The following PCOLCE variants were observed in gnomAD, a reference collection of about 807,000 sequenced individuals.
PCOLCE encodes the protein procollagen C-endopeptidase enhancer 1.
In PCOLCE, 33 loss-of-function variants were observed where a neutral mutation model predicts 47.2. That is an observed-to-expected ratio of 0.70 (90% CI 0.53 to 0.93). The LOEUF is 0.93. PCOLCE is among the 40% of genes least tolerant of loss of function. PCOLCE has a pLI of 0.00. For missense variants in PCOLCE, 584 were observed against 585.3 expected, an observed-to-expected ratio of 1.00 and a Z score of 0.02; for synonymous variants, 254 against 252.5, an observed-to-expected ratio of 1.01 and a Z score of -0.06.
At position 100,605,234 on chromosome 7, in the gene PCOLCE, G is replaced by A; in HGVS notation, c.588+19G>A. On this transcript the variant is annotated intron_variant, in intron 4 of 8. Transcript: ENST00000223061. This position sits in a 1 kb window ranked among gnomAD's most constrained non-coding sequence, Gnocchi z 6.1. ...GGACCAGGTACCGACCCTCCTCCCC[G>A]GGCTGCCCTAGGGGACCCAGGCGGC... 1.2e-6 allele frequency: 2 copies of A among 1,605,648 alleles called. No individual in the cohort carries two copies. Among genetic ancestry groups the A allele is most frequent in the Non-Finnish European group, 1.7e-6 (2 of 1,174,672 alleles).
Position 100,604,871 on chromosome 7 carries a change from C to T in PCOLCE, c.464-220C>T. 1 of 522,488 alleles carries T rather than the reference C, an allele frequency of 1.9e-6. No homozygotes were observed. The highest frequency in any genetic ancestry group is 3.4e-6 in the Non-Finnish European group (1 of 291,892). The allele number at this position is 522,488 out of a possible 1,614,324, so 32.4% of individuals were successfully genotyped here. A position where few individuals can be genotyped will look rare whatever the true frequency, so the allele number is the denominator to read the frequency against. ...AGCCAGTTCCTCCTCCCGCTTCCAC[C>T]GCCCGCCAGTGCGCCCTGCGGCCCC... On this transcript the variant is annotated intron_variant, in intron 3 of 8. Coordinates refer to ENST00000223061, the MANE Select transcript of PCOLCE (RefSeq NM_002593.4). The surrounding 1 kb of genome is among the most constrained non-coding windows in gnomAD (Gnocchi z 6.4).
intron 1 of PCOLCE, 29 bp downstream of exon 1, chr7:100,602,580 T>G: frequency 7.1e-7 from 1 of 1,403,196 alleles, no homozygotes; most frequent in South Asian, 1.1e-5. Context: ...TCCAGACAGC[T>G]CCAGTGAACT....
Position 100,605,510 on chromosome 7 carries a change from C to A in PCOLCE, c.589-166C>A. ...GACGACCGACACCCCTGCAGGGTCC[C>A]ATGGGTGTGTGTGGTCCTCCGTGCT... On this transcript the variant is annotated intron_variant, in intron 4 of 8. Coordinates refer to ENST00000223061, the MANE Select transcript of PCOLCE (RefSeq NM_002593.4). The surrounding 1 kb of genome is among the most constrained non-coding windows in gnomAD (Gnocchi z 6.1). The A allele has an allele frequency of 1.2e-6, 1 of 838,920 alleles. No homozygotes were observed. 52.0% of individuals were successfully genotyped at this position (838,920 alleles called of 1,614,324 possible). A position where few individuals can be genotyped will look rare whatever the true frequency, so the allele number is the denominator to read the frequency against.
In PCOLCE at chr7:100,602,564, G is replaced by GC; in HGVS notation, c.95+14dup. On this transcript the variant is annotated intron_variant, in intron 1 of 8. Coordinates refer to ENST00000223061, the MANE Select transcript of PCOLCE (RefSeq NM_002593.4). Reference sequence around the variant, plus strand: ...CCAACTACACCAGGTAGGTCTCTTGGCATCTTCCAGACAGCTCCAGTGAAC... The same window carrying GC: ...CCAACTACACCAGGTAGGTCTCTTGGCCATCTTCCAGACAGCTCCAGTGAAC... 1 of 1,519,162 alleles carries GC rather than the reference G, an allele frequency of 6.6e-7. No homozygotes were observed. Among genetic ancestry groups the GC allele is most frequent in the Non-Finnish European group, 9.1e-7 (1 of 1,094,400 alleles). 94.1% of individuals were successfully genotyped at this position (1,519,162 alleles called of 1,614,324 possible).
At chr7:100,607,890 A>C in intron 8 of PCOLCE, 47 bp from the exon 9 acceptor site, 1 of 1,607,540 alleles carries the variant, frequency 6.2e-7, no homozygotes, top group South Asian at 1.1e-5. Flanking sequence ...AGACCTGCTG[A>C]CAGGTCTCAA....
chr7:100,603,581 A>G (rs375221578), intron 2 of PCOLCE, 43 bp downstream of exon 2: 7 of 1,013,972 alleles, frequency 6.9e-6, no homozygotes, highest in Non-Finnish European at 9.1e-6. Context: ...AAAGTCTCAG[A>G]GGCAAAAAGG....
rs1402663590 is a variant in PCOLCE, at chr7:100,605,105, G to T, written c.478G>T (p.Gly160Trp). The change falls in exon 4 of 9, where the codon GGG (glycine) becomes TGG (tryptophan). Residue 160 changes from glycine (G) to tryptophan (W), a missense_variant. By Grantham distance (184) the Gly-to-Trp change is radical. Coordinates refer to ENST00000223061, the MANE Select transcript of PCOLCE (RefSeq NM_002593.4). The surrounding 1 kb of genome is among the most constrained non-coding windows in gnomAD (Gnocchi z 6.1). The part of the protein sequence containing the change: ...ATSGTEHQFC[G>W]GRLEKAQGTL... ...CCCCTCCCCAGAGCACCAATTTTGC[G>T]GGGGGCGGCTGGAGAAGGCCCAGGG... 1 of 1,611,146 alleles carries T rather than the reference G, an allele frequency of 6.2e-7. No homozygotes were observed. The highest frequency in any genetic ancestry group is 8.5e-7 in the Non-Finnish European group (1 of 1,178,712).
In PCOLCE at chr7:100,604,590, C is replaced by T. The variant is rs1252166861; in HGVS notation, c.463+373C>T. ...CAGGGCTGGGGGGACTAGGTTCCTC[C>T]AACCCCGGGGGGCCCCTACACCCAG... On this transcript the variant is annotated intron_variant, in intron 3 of 8. Transcript: ENST00000223061. This position sits in a 1 kb window ranked among gnomAD's most constrained non-coding sequence, Gnocchi z 6.4. 2 of 379,744 alleles carry T rather than the reference C, an allele frequency of 5.3e-6. No homozygotes were observed. The highest frequency in any genetic ancestry group is 9.9e-6 in the Non-Finnish European group (2 of 202,086). 23.5% of individuals were successfully genotyped at this position (379,744 alleles called of 1,614,324 possible). A position where few individuals can be genotyped will look rare whatever the true frequency, so the allele number is the denominator to read the frequency against.
chr7:100,607,590 A>G lies in PCOLCE; in HGVS notation c.1013-47A>G, dbSNP rs556657948. On this transcript the variant is annotated intron_variant, in intron 7 of 8. Transcript: ENST00000223061. ...TCCTGCTTCTGTTTCCAGTCCTGCCATCTGGAACCTCCCATCTCCTCATCT... is the reference window on the plus strand; with the variant it reads ...TCCTGCTTCTGTTTCCAGTCCTGCCGTCTGGAACCTCCCATCTCCTCATCT... The G allele has an allele frequency of 7.5e-6, 12 of 1,606,178 alleles. No individual in the cohort carries two copies. The African/African-American group carries it at 1.2e-4, about 16-fold the overall frequency.
In PCOLCE at chr7:100,604,995, C is replaced by A; in HGVS notation, c.464-96C>A. The A allele has an allele frequency of 1.2e-6, 1 of 831,526 alleles. No individual in the cohort carries two copies. Among genetic ancestry groups the A allele is most frequent in the Non-Finnish European group, 2.0e-6 (1 of 510,454 alleles). The allele number at this position is 831,526 out of a possible 1,614,324, so 51.5% of individuals were successfully genotyped here. A position where few individuals can be genotyped will look rare whatever the true frequency, so the allele number is the denominator to read the frequency against. On this transcript the variant is annotated intron_variant, in intron 3 of 8. Transcript: ENST00000223061. The surrounding 1 kb of genome is among the most constrained non-coding windows in gnomAD (Gnocchi z 6.4). ...TCCCCTCATCCTGAGCCCCAGACAT[C>A]CGAGCTGCCTGCCGGGGCTCCCAGC...
chr7:100,603,819 C>T, intron 2 of PCOLCE, 140 bp from the exon 3 acceptor site: 1 of 913,204 alleles, frequency 1.1e-6, no homozygotes, highest in South Asian at 1.6e-5. Flanking sequence ...AGAGACCAGG[C>T]CCTCTGCTCT....
Position 100,608,045 on chromosome 7 carries a change from A to G in PCOLCE, c.1292A>G (p.Asn431Ser), listed in dbSNP as rs770525849. The G allele has an allele frequency of 1.3e-5, 21 of 1,613,934 alleles. No individual in the cohort carries two copies. In the East Asian group the frequency reaches 4.0e-4, roughly 31 times the overall value. ...CCCAACCAGGACCAGATCCTCACCA[A>G]CCTAAGCAAGAGGAAGTGCCCCTCT... ...HRPNQDQILT[N>S]LSKRKCPSQP... is the part of the protein sequence containing the mutation. Residue 431 changes from asparagine to serine, a missense_variant, in exon 9 of 9, where the codon AAC (asparagine) becomes AGC (serine). By Grantham distance (46) the Asn-to-Ser change is conservative. Transcript: ENST00000223061.
In PCOLCE at chr7:100,605,855, A is replaced by AC; in HGVS notation, c.725+45dup. 6.5e-6 allele frequency: 10 copies of AC among 1,538,028 alleles called. No individual in the cohort carries two copies. Among genetic ancestry groups the AC allele is most frequent in the Non-Finnish European group, 8.8e-6 (10 of 1,137,938 alleles). On this transcript the variant is annotated intron_variant, in intron 5 of 8. Coordinates refer to ENST00000223061, the MANE Select transcript of PCOLCE (RefSeq NM_002593.4). This position sits in a 1 kb window ranked among gnomAD's most constrained non-coding sequence, Gnocchi z 6.1. ...GGCGAGTCCGGGAGAGAGTCGGCGG[A>AC]CCGCACGCACGCGGCTGTTTGGAGG...
At position 100,603,556 on chromosome 7, in the gene PCOLCE, G is replaced by A; in HGVS notation, c.204+18G>A. On this transcript the variant is annotated intron_variant, in intron 2 of 8. Coordinates refer to ENST00000223061, the MANE Select transcript of PCOLCE (RefSeq NM_002593.4). Reference sequence around the variant, plus strand: ...CCATAACGGTGAGAAACCCCTCTGGGCACTACCCCTTGTTAAAGTCTCAGA... The same window carrying A: ...CCATAACGGTGAGAAACCCCTCTGGACACTACCCCTTGTTAAAGTCTCAGA... 2.2e-6 allele frequency: 3 copies of A among 1,346,578 alleles called. No homozygotes were observed. Among genetic ancestry groups the A allele is most frequent in the Non-Finnish European group, 3.1e-6 (3 of 953,150 alleles). The allele number at this position is 1,346,578 out of a possible 1,614,324, so 83.4% of individuals were successfully genotyped here. A position where few individuals can be genotyped will look rare whatever the true frequency, so the allele number is the denominator to read the frequency against.
chr7:100,606,661 C>A, intron 6 of PCOLCE, 31 bp downstream of exon 6: 1 of 1,529,674 alleles, frequency 6.5e-7, no homozygotes. Flanking sequence ...GAAGGGGAAA[C>A]AGACTGAAGG....
chr7:100,607,342 G>T, intron 6 of PCOLCE, 110 bp from the exon 7 acceptor site: 1 of 823,264 alleles, frequency 1.2e-6, no homozygotes. Context: ...TGGGTGCTAG[G>T]ACCGGAAGCC....
chr7:100,604,312 GC>G lies in PCOLCE; in HGVS notation c.463+99del. 1 of 1,099,212 alleles carries G rather than the reference GC, an allele frequency of 9.1e-7. No homozygotes were observed. The highest frequency in any genetic ancestry group is 1.2e-6 in the Non-Finnish European group (1 of 810,292). The allele number at this position is 1,099,212 out of a possible 1,614,324, so 68.1% of individuals were successfully genotyped here. A position where few individuals can be genotyped will look rare whatever the true frequency, so the allele number is the denominator to read the frequency against. On this transcript the variant is annotated intron_variant, in intron 3 of 8. Transcript: ENST00000223061. The surrounding 1 kb of genome is among the most constrained non-coding windows in gnomAD (Gnocchi z 6.4). ...CTAACCTCCGCCCCGCCCACCCCGC[GC>G]CCCAGTGCCTAGGGCCCCCTACCTC...
intron 6 of PCOLCE, 23 bp from the exon 7 acceptor site, chr7:100,607,429 C>G: frequency 6.3e-7 from 1 of 1,599,238 alleles, no homozygotes; most frequent in Non-Finnish European, 8.6e-7. Flanking sequence ...GAGCAGGTCA[C>G]CCTCCACCCT....
chr7:100,607,000 A>G (rs1268373096), intron 6 of PCOLCE, among the ~76,000 whole-genome samples: 3 of 151,218 alleles, frequency 2.0e-5, no homozygotes, highest in Non-Finnish European at 4.4e-5. Context: ...CTGAGGCAGG[A>G]GAGTCGCTTG....
Sources: gnomAD v4.1 joint callset for allele counts (sites outside exome capture counted in the v4.1 genomes callset) on GRCh38, gnomAD v4.1.1 for gene constraint, Gnocchi (gnomAD v3.1) non-coding constraint, MANE v1.5 for transcripts, NCBI Gene and HGNC (gene_info 2026-07-23, HGNC 2026-07-21) for gene names.